The following FAM78B variants were observed in gnomAD, a reference collection of about 807,000 sequenced individuals.
FAM78B encodes protein FAM78B.
A neutral mutation model predicts 20.0 loss-of-function variants in FAM78B; 10 were observed. That is an observed-to-expected ratio of 0.50 (90% CI 0.31 to 0.85). The LOEUF is 0.85. Among genes scored for constraint, FAM78B ranks in the 40% least tolerant of loss-of-function variants. The pLI, the probability that FAM78B is intolerant of heterozygous loss-of-function variation, is 0.05. For missense variants in FAM78B, 283 were observed against 345.0 expected (o/e 0.82, Z 1.42); for synonymous variants, 135 against 132.8 (o/e 1.02, Z -0.12).
chr1:166,101,079 C>CA (rs1470491055), intron 1 of FAM78B, among the ~76,000 whole-genome samples: 3 of 152,218 alleles, frequency 2.0e-5, no homozygotes, highest in African/African-American at 7.2e-5. Context: ...CCCAGGCAAA[C>CA]AGGGTCTGGA....
At chr1:166,056,748 G>A (rs1304965981), downstream of FAM78B, among the ~76,000 whole-genome samples, 1 of 152,160 alleles carries the variant, frequency 6.6e-6, no homozygotes, top group Admixed American at 6.6e-5. Flanking sequence ...GAGATGGAAG[G>A]GCAAACTTTA....
chr1:166,165,533 C>G (rs539135383), intron 1 of FAM78B, among the ~76,000 whole-genome samples: 1 of 152,170 alleles, frequency 6.6e-6, no homozygotes, highest in Admixed American at 6.5e-5. Context: ...ACCTGCTCTT[C>G]CAAGCCCGCT....
chr1:166,101,986 G>A (rs1286512315), intron 1 of FAM78B, among the ~76,000 whole-genome samples: 1 of 152,192 alleles, frequency 6.6e-6, no homozygotes, highest in African/African-American at 2.4e-5. Context: ...ACAGAGGGAA[G>A]CCCATCAGAC....
downstream of FAM78B, among the ~76,000 whole-genome samples, chr1:166,067,021 A>C (rs1651820925): frequency 6.6e-6 from 1 of 152,232 alleles, no homozygotes; most frequent in African/African-American, 2.4e-5. Flanking sequence ...TGGAACATTC[A>C]AATTTTCTTT....
intron 1 of FAM78B, among the ~76,000 whole-genome samples, chr1:166,137,208 C>T (rs1452644452): frequency 2.0e-5 from 3 of 152,154 alleles, no homozygotes; most frequent in Non-Finnish European, 4.4e-5. Context: ...TATGTGCTAA[C>T]CCTGATTTTC....
chr1:166,089,185 C>T (rs1005575489), intron 1 of FAM78B, among the ~76,000 whole-genome samples: 3 of 152,208 alleles, frequency 2.0e-5, no homozygotes, highest in Admixed American at 1.3e-4. Context: ...CCACGCTGAA[C>T]GAAACTAGGT....
At chr1:166,095,170 G>A (rs1653228800) in intron 1 of FAM78B, among the ~76,000 whole-genome samples, 1 of 152,162 alleles carries the variant, frequency 6.6e-6, no homozygotes, top group African/African-American at 2.4e-5. Flanking sequence ...AGGCTTGGAA[G>A]GTCCGTCCTC....
At chr1:166,088,659 T>C (rs990510623) in intron 1 of FAM78B, among the ~76,000 whole-genome samples, 1 of 152,144 alleles carries the variant, frequency 6.6e-6, no homozygotes, top group African/African-American at 2.4e-5. Flanking sequence ...TATGGCCAAG[T>C]CATTCCCACC....
intron 1 of FAM78B, among the ~76,000 whole-genome samples, chr1:166,127,565 T>C (rs1654690055): frequency 6.6e-6 from 1 of 152,194 alleles, no homozygotes; most frequent in African/African-American, 2.4e-5. Context: ...CTGTTTAAAG[T>C]GTTAGGCACA....
intron 1 of FAM78B, among the ~76,000 whole-genome samples, chr1:166,104,306 C>T (rs1653672810): frequency 6.6e-6 from 1 of 152,124 alleles, no homozygotes; most frequent in Non-Finnish European, 1.5e-5. Context: ...GACAGGGATG[C>T]CCTCTCTCAC....
intron 1 of FAM78B, among the ~76,000 whole-genome samples, chr1:166,130,647 G>A (rs1654838258): frequency 6.6e-6 from 1 of 152,094 alleles, no homozygotes; most frequent in African/African-American, 2.4e-5. Flanking sequence ...AGGCCAAAAT[G>A]TCAATAGTAC....
At chr1:166,152,149 G>T (rs1207095538) in intron 1 of FAM78B, among the ~76,000 whole-genome samples, 2 of 152,150 alleles carry the variant, frequency 1.3e-5, no homozygotes, top group Non-Finnish European at 2.9e-5. Flanking sequence ...GCCCTTCAGT[G>T]TTCCTAGCTC....
At chr1:166,112,557 T>C (rs1654095328) in intron 1 of FAM78B, among the ~76,000 whole-genome samples, 1 of 152,182 alleles carries the variant, frequency 6.6e-6, no homozygotes, top group African/African-American at 2.4e-5. Flanking sequence ...ATTCTAATGA[T>C]GACAAAAGGA....
intron 1 of FAM78B, among the ~76,000 whole-genome samples, chr1:166,158,186 G>A (rs1655989410): frequency 6.6e-6 from 1 of 152,170 alleles, no homozygotes; most frequent in African/African-American, 2.4e-5. Flanking sequence ...CTAGTCAGGT[G>A]TGGTGGTACA....
chr1:166,056,629 T>C (rs1165773291), downstream of FAM78B, among the ~76,000 whole-genome samples: 1 of 152,318 alleles, frequency 6.6e-6, no homozygotes, highest in Non-Finnish European at 1.5e-5. Flanking sequence ...TAAGATGACC[T>C]GTTTTGATCA....
chr1:166,096,155 GT>G (rs1413736884), intron 1 of FAM78B, among the ~76,000 whole-genome samples: 1 of 152,232 alleles, frequency 6.6e-6, no homozygotes, highest in Non-Finnish European at 1.5e-5. Flanking sequence ...CAAATTGCCA[GT>G]CGTCCCACGA....
chr1:166,136,242 TAA>T (rs1655059191), intron 1 of FAM78B, among the ~76,000 whole-genome samples: 1 of 152,204 alleles, frequency 6.6e-6, no homozygotes, highest in South Asian at 2.1e-4. Flanking sequence ...AGAGATTTAA[TAA>T]GAGTTCAATC....
chr1:166,076,481 C>T (rs7526838), intron 1 of FAM78B, among the ~76,000 whole-genome samples: 1 of 152,174 alleles, frequency 6.6e-6, no homozygotes, highest in East Asian at 1.9e-4. Flanking sequence ...GCAATCTTTC[C>T]TAACAACCAT....
At chr1:166,060,565 G>C (rs1389152459) in exon 3 of FAM78B, 2 of 1,259,158 alleles carry the variant, frequency 1.6e-6, no homozygotes, top group Non-Finnish European at 2.1e-6. Flanking sequence ...GCTGTCCAGG[G>C]ATTCAGCTTC....
Sources: allele counts gnomAD v4.1 joint callset (sites outside exome capture counted in the v4.1 genomes callset), GRCh38; gene constraint gnomAD v4.1.1; transcripts MANE v1.5; gene names NCBI Gene and HGNC (gene_info 2026-07-23, HGNC 2026-07-21).